Variants in GLP2R observed in about 807,000 individuals in gnomAD.
The protein encoded by GLP2R is glucagon-like peptide 2 receptor.
In GLP2R, 59 loss-of-function variants were observed where a neutral mutation model predicts 68.2. That is an observed-to-expected ratio of 0.87 (90% CI 0.70 to 1.07). The LOEUF (loss-of-function observed/expected upper bound fraction) is 1.07, where lower values mean the gene tolerates loss of function less well. Ranked by LOEUF, GLP2R falls within the 50% of genes least tolerant of loss-of-function variation. The pLI is 0.00. For missense variants in GLP2R, 548 were observed against 677.4 expected, an observed-to-expected ratio of 0.81 and a Z score of 2.12; for synonymous variants, 270 against 265.4, an observed-to-expected ratio of 1.02 and a Z score of -0.17.
chr17:9,866,358 G>C (rs2067037100), intron 9 of GLP2R: 1 of 169,186 alleles, frequency 5.9e-6, no homozygotes, highest in Non-Finnish European at 1.3e-5. Flanking sequence ...TTGGGGATGG[G>C]GATAGGAGGA....
intron 11 of GLP2R, among the ~76,000 whole-genome samples, chr17:9,881,000 C>T (rs936219377): frequency 3.3e-5 from 5 of 152,076 alleles, no homozygotes; most frequent in African/African-American, 7.2e-5. Flanking sequence ...GTGGTTGTTA[C>T]CTGGAAATAT....
rs748803542 is a variant in GLP2R at position 9,836,352 on chromosome 17, A to G, written c.278-19A>G. 6.7e-7 allele frequency: 1 copy of G among 1,501,238 alleles called. No homozygotes were observed. The highest frequency in any genetic ancestry group is 1.7e-5 in the Admixed American group (1 of 59,842). The allele number at this position is 1,501,238 out of a possible 1,614,324, so 93.0% of individuals were successfully genotyped here. A position where few individuals can be genotyped will look rare whatever the true frequency, so the allele number is the denominator to read the frequency against. ...GTGCTAAAACACTGATGTTTATCAG[A>G]CCCTTCTTCTCTCTGTAGGCATATT... On this transcript the variant is annotated intron_variant, in intron 2 of 12. Coordinates refer to ENST00000262441, the MANE Select transcript of GLP2R (RefSeq NM_004246.3).
In GLP2R at chr17:9,870,820, G is replaced by C. The variant is rs1184302289; in HGVS notation, c.1130G>C (p.Arg377Thr). 6.5e-7 allele frequency: 1 copy of C among 1,533,178 alleles called. No individual in the cohort carries two copies. Among genetic ancestry groups the C allele is most frequent in the Non-Finnish European group, 9.0e-7 (1 of 1,105,994 alleles). 95.0% of individuals were successfully genotyped at this position (1,533,178 alleles called of 1,614,324 possible). The change falls in exon 10 of 13, where the codon AGA (arginine) becomes ACA (threonine). Residue 377 changes from arginine (R) to threonine (T), a missense_variant. Coordinates refer to ENST00000262441, the MANE Select transcript of GLP2R (RefSeq NM_004246.3). Reference protein sequence around the residue: ...SKLKAHQMCFRDYKYRLAKST... With the variant: ...SKLKAHQMCFTDYKYRLAKST... ...CTCAAAGCTCATCAAATGTGCTTCA[G>C]AGATTATAAATACAGGTGAGTGGCT...
chr17:9,861,562 T>C (rs772608194), intron 8 of GLP2R, among the ~76,000 whole-genome samples: 1 of 152,066 alleles, frequency 6.6e-6, no homozygotes, highest in Non-Finnish European at 1.5e-5. Flanking sequence ...TTGAACAAAC[T>C]GTAATATACC....
intron 11 of GLP2R, among the ~76,000 whole-genome samples, chr17:9,886,917 G>A (rs1156345124): frequency 6.6e-6 from 1 of 152,132 alleles, no homozygotes. Context: ...TGCAAGCATT[G>A]GGCCCTGCAC....
chr17:9,843,450 GTT>G, intron 4 of GLP2R, among the ~76,000 whole-genome samples: 1 of 152,204 alleles, frequency 6.6e-6, no homozygotes, highest in East Asian at 1.9e-4. Context: ...TCAGACATCA[GTT>G]TCTTAGGAGA....
intron 7 of GLP2R, 29 bp downstream of exon 7, chr17:9,860,130 C>G (rs1457236729): frequency 1.3e-6 from 2 of 1,546,554 alleles, no homozygotes; most frequent in Non-Finnish European, 1.7e-6. Context: ...AGCTTCCTTT[C>G]CTGGGGATCC....
At chr17:9,857,715 T>A in intron 6 of GLP2R, 139 bp downstream of exon 6, 1 of 806,766 alleles carries the variant, frequency 1.2e-6, no homozygotes, top group Non-Finnish European at 2.0e-6. Flanking sequence ...AGAGAAGTAG[T>A]ACGTGACTTA....
chr17:9,871,882 G>A (rs1311633992), intron 10 of GLP2R, among the ~76,000 whole-genome samples: 2 of 151,786 alleles, frequency 1.3e-5, no homozygotes, highest in Admixed American at 6.6e-5. Context: ...CTGCCACCAC[G>A]TCCGGCTAAT....
intron 3 of GLP2R, among the ~76,000 whole-genome samples, chr17:9,837,241 C>T (rs1232155535): frequency 6.6e-6 from 1 of 152,146 alleles, no homozygotes; most frequent in Admixed American, 6.6e-5. Context: ...CCCATCATCC[C>T]TCCCCACCTC....
chr17:9,841,873 G>A (rs764927752), intron 3 of GLP2R, among the ~76,000 whole-genome samples: 24 of 152,176 alleles, frequency 1.6e-4, no homozygotes, highest in Non-Finnish European at 2.8e-4. Context: ...GACCTTCTGG[G>A]AGAGTCTCCT....
chr17:9,833,113 A>T (rs1294275999), intron 1 of GLP2R, among the ~76,000 whole-genome samples: 2 of 152,032 alleles, frequency 1.3e-5, no homozygotes, highest in Non-Finnish European at 2.9e-5. Flanking sequence ...ATACAAAAAA[A>T]TTAGCTGAGC....
At chr17:9,838,166 A>T (rs2066751065) in intron 3 of GLP2R, among the ~76,000 whole-genome samples, 1 of 152,172 alleles carries the variant, frequency 6.6e-6, no homozygotes, top group African/African-American at 2.4e-5. Context: ...GGAGCAGCTC[A>T]GTGAGGGAAA....
intron 6 of GLP2R, among the ~76,000 whole-genome samples, chr17:9,859,711 C>T (rs528902378): frequency 2.1e-4 from 30 of 145,810 alleles, no homozygotes; most frequent in African/African-American, 5.8e-4. Flanking sequence ...CCTAGCTACT[C>T]GGGGGGCTGA....
intron 4 of GLP2R, among the ~76,000 whole-genome samples, chr17:9,844,851 C>T (rs1297891046): frequency 2.7e-5 from 4 of 150,472 alleles, no homozygotes; most frequent in Admixed American, 1.3e-4. Context: ...CCACCACGCC[C>T]GTCTAATTTT....
intron 9 of GLP2R, chr17:9,866,074 T>TC (rs1465378298): frequency 2.9e-6 from 1 of 348,822 alleles, no homozygotes; most frequent in Non-Finnish European, 5.6e-6. Context: ...GTTCTAGGGC[T>TC]CCCCAGAGAG....
At chr17:9,843,589 C>T (rs1399213992) in intron 4 of GLP2R, among the ~76,000 whole-genome samples, 4 of 152,196 alleles carry the variant, frequency 2.6e-5, no homozygotes, top group Non-Finnish European at 4.4e-5. Context: ...ACAAACAAAT[C>T]CATGCTTCAG....
At chr17:9,835,446 C>A (rs1340271916) in intron 2 of GLP2R, among the ~76,000 whole-genome samples, 3 of 152,112 alleles carry the variant, frequency 2.0e-5, no homozygotes, top group South Asian at 2.1e-4. Flanking sequence ...TGCCAAACAC[C>A]AGGGTAAATC....
At chr17:9,854,892 A>G (rs1262961325) in intron 5 of GLP2R, among the ~76,000 whole-genome samples, 1 of 152,216 alleles carries the variant, frequency 6.6e-6, no homozygotes, top group African/African-American at 2.4e-5. Context: ...AATAAGAGTT[A>G]TGTGAATGTG....
Sources: gnomAD v4.1 joint callset for allele counts (sites outside exome capture counted in the v4.1 genomes callset) on GRCh38, gnomAD v4.1.1 for gene constraint, MANE v1.5 for transcripts, NCBI Gene and HGNC (gene_info 2026-07-23, HGNC 2026-07-21) for gene names.